The following NFXL1 variants were observed in gnomAD, a reference collection of about 807,000 sequenced individuals.
NFXL1 encodes NF-X1-type zinc finger protein NFXL1.
NFXL1 carries 66 observed loss-of-function variants against 123.3 expected under a neutral mutation model. That is an observed-to-expected ratio of 0.54 (90% confidence interval 0.44 to 0.66). The LOEUF is 0.66. Ranked by LOEUF, NFXL1 falls within the 30% of genes least tolerant of loss-of-function variation. NFXL1 has a pLI of 0.00. For missense variants in NFXL1, 944 were observed against 1,125.6 expected (o/e 0.84, Z 2.31); for synonymous variants, 346 against 360.8 (o/e 0.96, Z 0.46).
intron 18 of NFXL1, among the ~76,000 whole-genome samples, chr4:47,869,893 C>G (rs938908389): frequency 8.6e-5 from 13 of 151,834 alleles, no homozygotes; most frequent in Non-Finnish European, 1.5e-5. Context: ...AAAACAACAA[C>G]AAAATTTTAA....
intron 2 of NFXL1, 39 bp downstream of exon 2, chr4:47,913,930 A>G (rs1311234704): frequency 6.9e-7 from 1 of 1,440,834 alleles, no homozygotes; most frequent in Admixed American, 2.0e-5. Context: ...CTGCCTTAGG[A>G]GGCATCCAGG....
chr4:47,880,734 T>C (rs1736045669), intron 15 of NFXL1, among the ~76,000 whole-genome samples: 2 of 150,096 alleles, frequency 1.3e-5, no homozygotes, highest in African/African-American at 4.9e-5. Context: ...TCAGCGATCT[T>C]TGATGTTACT....
At chr4:47,898,274 CAT>C in intron 8 of NFXL1, among the ~76,000 whole-genome samples, 193 bp from the exon 9 acceptor site, 1 of 152,210 alleles carries the variant, frequency 6.6e-6, no homozygotes, top group Non-Finnish European at 1.5e-5. Flanking sequence ...TATACACACA[CAT>C]ATATTTCCTA....
At chr4:47,859,664 A>G (rs1452283305) in intron 19 of NFXL1, among the ~76,000 whole-genome samples, 8 of 151,994 alleles carry the variant, frequency 5.3e-5, no homozygotes, top group African/African-American at 1.2e-4. Context: ...AACATGGTGA[A>G]ACCCCGTTTC....
At chr4:47,909,981 A>G (rs756052137) in intron 3 of NFXL1, among the ~76,000 whole-genome samples, 26 of 152,206 alleles carry the variant, frequency 1.7e-4, no homozygotes, top group Non-Finnish European at 1.2e-4. Context: ...AATATTTCTA[A>G]TAATAATTTT....
chr4:47,887,349 T>G (rs190693231), intron 12 of NFXL1, among the ~76,000 whole-genome samples: 15 of 152,114 alleles, frequency 9.9e-5, no homozygotes, highest in African/African-American at 3.6e-4. Flanking sequence ...ATGGACAATA[T>G]CCTGGCTTAA....
At chr4:47,852,158 T>C (rs1316222640) in intron 20 of NFXL1, 2 of 451,608 alleles carry the variant, frequency 4.4e-6, no homozygotes, top group South Asian at 3.8e-5. Context: ...CCATAAAATT[T>C]TTAAAAATCA....
chr4:47,860,024 T>C (rs1734664641), intron 19 of NFXL1, among the ~76,000 whole-genome samples: 1 of 151,990 alleles, frequency 6.6e-6, no homozygotes, highest in African/African-American at 2.4e-5. Flanking sequence ...GTATACAAAA[T>C]TTCAGTTAGA....
At chr4:47,854,526 C>T (rs1734293317) in intron 20 of NFXL1, among the ~76,000 whole-genome samples, 3 of 151,994 alleles carry the variant, frequency 2.0e-5, no homozygotes, top group Admixed American at 1.3e-4. Flanking sequence ...CCATTTACTC[C>T]TCTGTTACCA....
rs1359675165 is a variant in NFXL1, at chr4:47,847,269, T to A, written c.*894A>T. The A allele has an allele frequency of 6.6e-6, 1 of 152,116 alleles. No individual in the cohort carries two copies. Among genetic ancestry groups the A allele is most frequent in the East Asian group, 1.9e-4 (1 of 5,194 alleles). The allele number at this position is 152,116 out of a possible 1,614,324, so 9.4% of individuals were successfully genotyped here. ...GTATCAAAAATTTTAATGAAAACAT[T>A]AATCATATAAATTAAATAGCAAAAC... On this transcript the variant is annotated 3_prime_UTR_variant, in exon 23 of 23. Transcript: ENST00000507489.
rs76920053 is a variant in NFXL1, at chr4:47,861,688, C to T, written c.2316+1158G>A. On this transcript the variant is annotated intron_variant, in intron 19 of 22. Coordinates refer to ENST00000507489, the MANE Select transcript of NFXL1 (RefSeq NM_001278624.2). ...TCAAAAAATTAAATTTGAAATATCC[C>T]ATGCCCTAGTTTCACTTATAAAGAC... Among the ~76,000 whole-genome samples, 55 of 152,194 alleles carry T rather than the reference C, an allele frequency of 3.6e-4. No individual in the cohort carries two copies. In the East Asian group the frequency reaches 0.01, roughly 28 times the overall value.
At chr4:47,904,007 A>C (rs1197851972) in intron 4 of NFXL1, among the ~76,000 whole-genome samples, 1 of 152,248 alleles carries the variant, frequency 6.6e-6, no homozygotes, top group Non-Finnish European at 1.5e-5. Flanking sequence ...GTTTGATAAA[A>C]TCAGACATGT....
chr4:47,904,688 C>T (rs548211229), intron 4 of NFXL1, among the ~76,000 whole-genome samples: 57 of 152,216 alleles, frequency 3.7e-4, no homozygotes, highest in Non-Finnish European at 7.2e-4. Flanking sequence ...TCAGTAATCA[C>T]TTCTTAATTG....
At chr4:47,900,086 G>A (rs1370504583) in intron 5 of NFXL1, among the ~76,000 whole-genome samples, 2 of 152,164 alleles carry the variant, frequency 1.3e-5, no homozygotes, top group Non-Finnish European at 2.9e-5. Context: ...ACAGAAGAGA[G>A]AAGTCAGGGT....
chr4:47,851,418 A>T (rs73141935), intron 21 of NFXL1, among the ~76,000 whole-genome samples: 39 of 152,248 alleles, frequency 2.6e-4, no homozygotes, highest in African/African-American at 9.1e-4. Context: ...AAAGAGTTAA[A>T]ACACTGTAAC....
intron 22 of NFXL1, among the ~76,000 whole-genome samples, chr4:47,850,478 T>C (rs1046820720): frequency 6.6e-6 from 1 of 151,932 alleles, no homozygotes; most frequent in African/African-American, 2.4e-5. Context: ...CAAATAATAA[T>C]AAAAAGTTAT....
Position 47,898,729 on chromosome 4 carries a change from C to T in NFXL1, c.1089+28G>A. ...CTATGCTTTCTGTACTCTTTAATAC[C>T]CACCCCTCAAAATGCATATAAACTT... On this transcript the variant is annotated intron_variant, in intron 8 of 22. Coordinates refer to ENST00000507489, the MANE Select transcript of NFXL1 (RefSeq NM_001278624.2). The T allele has an allele frequency of 1.5e-6, 2 of 1,311,544 alleles. 1 individual carries two copies. The highest frequency in any genetic ancestry group is 2.2e-6 in the Non-Finnish European group (2 of 904,006). The allele number at this position is 1,311,544 out of a possible 1,614,324, so 81.2% of individuals were successfully genotyped here. A position where few individuals can be genotyped will look rare whatever the true frequency, so the allele number is the denominator to read the frequency against.
intron 18 of NFXL1, among the ~76,000 whole-genome samples, chr4:47,873,504 T>C (rs1426198731): frequency 6.6e-6 from 1 of 152,208 alleles, no homozygotes; most frequent in Admixed American, 6.5e-5. Context: ...ATATCTCCAT[T>C]ATAGCTCTTG....
At position 47,851,909 on chromosome 4, in the gene NFXL1, C is replaced by T. The variant is rs761032965; in HGVS notation, c.2455G>A (p.Val819Ile). Residue 819 changes from valine to isoleucine, a missense_variant, in exon 21 of 23, where the codon GTT becomes ATT. By Grantham distance (29) the Val-to-Ile change is conservative. Coordinates refer to ENST00000507489, the MANE Select transcript of NFXL1 (RefSeq NM_001278624.2). Reference sequence around the variant, plus strand: ...CACGTTGTGTCACATTCTATTGAAACCTGATTTTCACGTACTTTGTTGCAC... The same window carrying T: ...CACGTTGTGTCACATTCTATTGAAATCTGATTTTCACGTACTTTGTTGCAC... ...LQCNKVRENQ[V>I]SIECDTTCKE... is the part of the protein sequence containing the mutation. 7.4e-6 allele frequency: 12 copies of T among 1,611,656 alleles called. No individual in the cohort carries two copies. Among genetic ancestry groups the T allele is most frequent in the South Asian group, 1.1e-5 (1 of 90,980 alleles).
Sources: allele counts gnomAD v4.1 joint callset (sites outside exome capture counted in the v4.1 genomes callset), GRCh38; gene constraint gnomAD v4.1.1; transcripts MANE v1.5; gene names NCBI Gene and HGNC (gene_info 2026-07-23, HGNC 2026-07-21).